DMD: variants seen among roughly 807,000 people sequenced by gnomAD.
The protein encoded by DMD is dystrophin, also known as mutant dystrophin.
DMD carries 63 observed loss-of-function variants against 330.1 expected under a neutral mutation model. The observed-to-expected ratio is 0.19, with a 90% CI of 0.16 to 0.24. The LOEUF (loss-of-function observed/expected upper bound fraction) is 0.24. DMD is among the 10% of genes least tolerant of loss of function. The pLI is 1.00. For synonymous variants in DMD, 1,223 were observed against 959.8 expected (o/e 1.27, Z -5.07); for missense variants, 3,344 against 2,684.1 (o/e 1.25, Z -5.43).
intron 44 of DMD, among the ~76,000 whole-genome samples, chrX:32,011,419 A>G (rs1354779290): frequency 9.0e-6 from 1 of 111,343 alleles, no homozygotes; most frequent in Non-Finnish European, 1.9e-5. Context: ...TTCCCTTAAG[A>G]TCATGTCCCC....
chrX:32,426,528 G>A (rs763795262), intron 29 of DMD, among the ~76,000 whole-genome samples: 42 of 111,700 alleles, frequency 3.8e-4, no homozygotes, highest in African/African-American at 6.5e-4. Flanking sequence ...TACACTGCTG[G>A]TGGGGGTGTA....
intron 44 of DMD, among the ~76,000 whole-genome samples, chrX:31,987,299 C>A (rs2095516291): frequency 9.0e-6 from 1 of 111,473 alleles, no homozygotes; most frequent in African/African-American, 3.3e-5. Flanking sequence ...GGGGTAGAAA[C>A]CTTCAAAACC....
chrX:33,333,542 T>G (rs1479225804), intron 1 of DMD, among the ~76,000 whole-genome samples: 3 of 110,969 alleles, frequency 2.7e-5, no homozygotes, highest in Admixed American at 9.7e-5. Flanking sequence ...CTATGGGTTT[T>G]ACAGGAATTT....
At chrX:32,215,608 A>G (rs2097109459) in intron 44 of DMD, among the ~76,000 whole-genome samples, 1 of 111,768 alleles carries the variant, frequency 8.9e-6, no homozygotes, top group South Asian at 3.7e-4. Flanking sequence ...ATAATAAAAT[A>G]TAAATTGAAA....
chrX:31,225,420 T>C (rs749460989), intron 63 of DMD, among the ~76,000 whole-genome samples: 14 of 112,387 alleles, frequency 1.2e-4, no homozygotes, highest in Non-Finnish European at 2.3e-4. Context: ...TTGCAAAATA[T>C]GAAGATTGTT....
intron 1 of DMD, among the ~76,000 whole-genome samples, chrX:33,160,316 T>G (rs1026342753): frequency 9.0e-6 from 1 of 111,346 alleles, no homozygotes; most frequent in African/African-American, 3.3e-5. Context: ...TTAGGAAAAA[T>G]AGAGGCAAAG....
intron 9 of DMD, among the ~76,000 whole-genome samples, chrX:32,664,328 G>A (rs975413278): frequency 4.0e-5 from 4 of 99,663 alleles, no homozygotes; most frequent in East Asian, 3.4e-4. Flanking sequence ...TACAAGCTCC[G>A]CCTCCCGGGT....
intron 7 of DMD, among the ~76,000 whole-genome samples, chrX:32,763,169 A>C (rs975097022): frequency 8.9e-6 from 1 of 111,776 alleles, no homozygotes; most frequent in African/African-American, 3.3e-5. Flanking sequence ...CTTTGTATTA[A>C]TAGGACCATT....
At chrX:32,771,503 TAC>T (rs754545800) in intron 7 of DMD, among the ~76,000 whole-genome samples, 31 of 105,464 alleles carry the variant, frequency 2.9e-4, no homozygotes, top group Middle Eastern at 9.6e-3. Context: ...ATTTTGTTAA[TAC>T]ACACACACAC....
At chrX:32,019,215 G>T (rs769610736) in intron 44 of DMD, among the ~76,000 whole-genome samples, 121 of 108,460 alleles carry the variant, frequency 1.1e-3, no homozygotes, top group Non-Finnish European at 2.0e-3. Flanking sequence ...ACTTGAACAC[G>T]CATCAAATTG....
chrX:32,175,756 C>A (rs1210481321), intron 44 of DMD, among the ~76,000 whole-genome samples: 2 of 111,327 alleles, frequency 1.8e-5, no homozygotes, highest in Non-Finnish European at 3.8e-5. Flanking sequence ...ACAGTCCTTA[C>A]CTTTTGTACA....
chrX:32,250,141 A>G (rs868415466), intron 43 of DMD, among the ~76,000 whole-genome samples: 1 of 111,266 alleles, frequency 9.0e-6, no homozygotes, highest in Non-Finnish European at 1.9e-5. Context: ...AATCTTCTCA[A>G]TGGAGGATTT....
chrX:32,310,274 G>A lies in DMD; in HGVS notation c.5925C>T (p.His1975=). 2.5e-6 allele frequency: 3 copies of A among 1,206,690 alleles called. No homozygotes were observed. The highest frequency in any genetic ancestry group is 3.4e-6 in the Non-Finnish European group (3 of 891,899). Residue 1975 remains histidine (H), a splice_region_variant and synonymous_variant, in exon 42 of 79, where the codon CAC becomes CAT. Transcript: ENST00000357033. ...QFRRLNFAQI[H]TVREETMMVM... ...CCATCATCGTTTCTTCACGGACAGT[G>A]TGCTGGTATAGATATACAAAAGAAC...
chrX:33,046,974 A>G (rs1024843868), intron 1 of DMD, among the ~76,000 whole-genome samples: 3 of 112,469 alleles, frequency 2.7e-5, no homozygotes, highest in African/African-American at 9.7e-5. Context: ...CATAGTCCAT[A>G]TAATTTGAGT....
At chrX:31,372,526 A>T (rs111693442) in intron 60 of DMD, among the ~76,000 whole-genome samples, 4 of 112,197 alleles carry the variant, frequency 3.6e-5, no homozygotes, top group Admixed American at 9.4e-5. Flanking sequence ...TAGCAGAAAG[A>T]ACATGAGTTT....
At chrX:31,322,326 G>T (rs1263078376) in intron 62 of DMD, among the ~76,000 whole-genome samples, 1 of 111,627 alleles carries the variant, frequency 9.0e-6, no homozygotes, top group South Asian at 3.7e-4. Context: ...TACAGTGCAT[G>T]TCTACAGCAA....
At chrX:31,553,020 A>T (rs2074582253) in intron 55 of DMD, among the ~76,000 whole-genome samples, 1 of 111,740 alleles carries the variant, frequency 8.9e-6, no homozygotes, top group African/African-American at 3.3e-5. Context: ...TCCAGCAGAG[A>T]GAGCTTTCCC....
intron 55 of DMD, among the ~76,000 whole-genome samples, chrX:31,547,117 G>A (rs987324145): frequency 8.9e-6 from 1 of 112,362 alleles, no homozygotes; most frequent in African/African-American, 3.2e-5. Flanking sequence ...TAGTAGAAAT[G>A]TATTGGTGCA....
At chrX:31,860,101 TA>T (rs111527696) in intron 48 of DMD, among the ~76,000 whole-genome samples, 44,860 of 103,605 alleles carry the variant, frequency 0.43, 7,679 homozygotes, top group African/African-American at 0.59. Context: ...TTAGAGTACA[TA>T]AAAAAAAAAA....
Sources: allele counts gnomAD v4.1 joint callset (sites outside exome capture counted in the v4.1 genomes callset), GRCh38; gene constraint gnomAD v4.1.1; transcripts MANE v1.5; gene names NCBI Gene and HGNC (gene_info 2026-07-23, HGNC 2026-07-21).